The following GREB1 variants were observed in gnomAD, a reference collection of about 807,000 sequenced individuals.
GREB1 encodes the protein growth regulating estrogen receptor binding 1, also known as protein GREB1.
A neutral mutation model predicts 200.7 loss-of-function variants in GREB1; 106 were observed. The observed-to-expected ratio is 0.53, with a 90% CI of 0.45 to 0.62. The LOEUF (loss-of-function observed/expected upper bound fraction) is 0.62, where lower values mean the gene tolerates loss of function less well. GREB1 is among the 20% of genes least tolerant of loss of function. The pLI is 0.00. For missense variants in GREB1, 2,243 were observed against 2,556.8 expected, an observed-to-expected ratio of 0.88 and a Z score of 2.65; for synonymous variants, 1,132 against 1,092.4, an observed-to-expected ratio of 1.04 and a Z score of -0.72.
chr2:11,635,413 C>G lies in GREB1; in HGVS notation c.5346+8C>G, dbSNP rs1330096758. 8.1e-6 allele frequency: 13 copies of G among 1,600,426 alleles called. No homozygotes were observed. Among genetic ancestry groups the G allele is most frequent in the Non-Finnish European group, 9.4e-6 (11 of 1,173,168 alleles). ...TTCCACATCACATCCAAGGTGAGCT[C>G]CTCGCTGCTGGGCAGGCCTCTATGT... On this transcript the variant is annotated splice_region_variant and intron_variant, in intron 30 of 32. Coordinates refer to ENST00000381486, the MANE Select transcript of GREB1 (RefSeq NM_014668.4).
chr2:11,509,385 A>AT (rs1673286886), intron 1 of GREB1, among the ~76,000 whole-genome samples: 1 of 152,040 alleles, frequency 6.6e-6, no homozygotes, highest in Non-Finnish European at 1.5e-5. Flanking sequence ...CTCTGCACAC[A>AT]TTTTTTCTTT....
intron 7 of GREB1, 101 bp from the exon 8 acceptor site, chr2:11,585,060 A>AAAAC: frequency 1.7e-6 from 1 of 586,692 alleles, no homozygotes; most frequent in East Asian, 3.4e-5. Flanking sequence ...TTAGAAAAAA[A>AAAAC]AAAACAAAAC....
intron 1 of GREB1, among the ~76,000 whole-genome samples, chr2:11,546,280 T>G (rs1478245768): frequency 2.6e-5 from 4 of 152,230 alleles, no homozygotes; most frequent in African/African-American, 9.7e-5. Flanking sequence ...ATAATACTTT[T>G]GTCATTGAGC....
chr2:11,611,634 C>G (rs1222708467), intron 18 of GREB1, among the ~76,000 whole-genome samples: 1 of 152,170 alleles, frequency 6.6e-6, no homozygotes, highest in Non-Finnish European at 1.5e-5. Flanking sequence ...TGTCTTTCCT[C>G]TTTCAGGAAG....
At position 11,576,468 on chromosome 2, in the gene GREB1, G is replaced by A; in HGVS notation, c.570G>A (p.Lys190=). ...AACCCAAGAAGCAGAAACACTTGAA[G>A]TATTACCTGGTCCGTAATGCACAAG... ...TTQPKKQKHL[K]YYLVRNAQGT... is the part of the protein sequence containing the mutation. Residue 190 remains lysine, a synonymous_variant, in exon 5 of 33, where the codon AAG becomes AAA. Coordinates refer to ENST00000381486, the MANE Select transcript of GREB1 (RefSeq NM_014668.4). 1.2e-6 allele frequency: 2 copies of A among 1,614,030 alleles called. No individual in the cohort carries two copies. Among genetic ancestry groups the A allele is most frequent in the Non-Finnish European group, 1.7e-6 (2 of 1,179,884 alleles).
chr2:11,632,732 C>G (rs971572963), intron 27 of GREB1, among the ~76,000 whole-genome samples, 157 bp from the exon 28 acceptor site: 1 of 152,212 alleles, frequency 6.6e-6, no homozygotes, highest in Admixed American at 6.5e-5. Flanking sequence ...AGTTTTCTCT[C>G]CCTAGCCCAT....
At chr2:11,601,214 G>A (rs556460638) in intron 16 of GREB1, among the ~76,000 whole-genome samples, 2 of 152,318 alleles carry the variant, frequency 1.3e-5, no homozygotes, top group Admixed American at 1.3e-4. Flanking sequence ...AAGATGTAAT[G>A]CAGTTTGTGG....
intron 2 of GREB1, among the ~76,000 whole-genome samples, chr2:11,557,943 A>C (rs1320802135): frequency 6.6e-6 from 1 of 152,206 alleles, no homozygotes; most frequent in Non-Finnish European, 1.5e-5. Context: ...GGCCAGTTGA[A>C]AGACTTTGGT....
chr2:11,509,617 C>T (rs1303901503), intron 1 of GREB1, among the ~76,000 whole-genome samples: 2 of 152,068 alleles, frequency 1.3e-5, no homozygotes, highest in Non-Finnish European at 2.9e-5. Context: ...GAGCCTAATC[C>T]CCAATGTGAT....
chr2:11,595,489 C>T, intron 12 of GREB1, 110 bp downstream of exon 12: 1 of 1,116,048 alleles, frequency 9.0e-7, no homozygotes, highest in Admixed American at 2.0e-5. Context: ...AGGCTGGCCT[C>T]CACTGCAGAG....
At chr2:11,536,363 G>A (rs940665568) in intron 1 of GREB1, among the ~76,000 whole-genome samples, 1 of 152,186 alleles carries the variant, frequency 6.6e-6, no homozygotes, top group African/African-American at 2.4e-5. Context: ...CTTCTCTAGT[G>A]ATCTGGAAAC....
At chr2:11,582,213 C>T (rs1679564298) in intron 7 of GREB1, among the ~76,000 whole-genome samples, 1 of 152,216 alleles carries the variant, frequency 6.6e-6, no homozygotes, top group Non-Finnish European at 1.5e-5. Context: ...GGGCCTCCTT[C>T]AGCCCGGGAA....
intron 17 of GREB1, among the ~76,000 whole-genome samples, chr2:11,607,591 T>TAC (rs1454494296): frequency 1.2e-3 from 4 of 3,262 alleles, no homozygotes; most frequent in Admixed American, 5.8e-3. Context: ...TATACATATA[T>TAC]ACATATATAT....
At chr2:11,567,852 T>G (rs1197862503) in intron 4 of GREB1, among the ~76,000 whole-genome samples, 1 of 152,214 alleles carries the variant, frequency 6.6e-6, no homozygotes, top group Non-Finnish European at 1.5e-5. Flanking sequence ...GTTCCTGCCC[T>G]GCATCTGCCC....
chr2:11,566,854 T>G (rs1033246351), intron 4 of GREB1, among the ~76,000 whole-genome samples, 198 bp downstream of exon 4: 1 of 152,210 alleles, frequency 6.6e-6, no homozygotes, highest in African/African-American at 2.4e-5. Context: ...ACAGTATGAC[T>G]GCATCCCTGC....
intron 1 of GREB1, among the ~76,000 whole-genome samples, chr2:11,508,607 G>A (rs922979486): frequency 6.6e-6 from 1 of 152,044 alleles, no homozygotes; most frequent in Non-Finnish European, 1.5e-5. Flanking sequence ...AGAACAAACA[G>A]TCATTTTCCA....
chr2:11,509,637 A>C (rs77110939), intron 1 of GREB1, among the ~76,000 whole-genome samples: 427 of 152,300 alleles, frequency 2.8e-3, no homozygotes, highest in African/African-American at 0.01. Flanking sequence ...TAGTATTCAG[A>C]GGTGGGCCTT....
At chr2:11,496,598 T>C (rs1672897128) in intron 1 of GREB1, among the ~76,000 whole-genome samples, 1 of 149,798 alleles carries the variant, frequency 6.7e-6, no homozygotes, top group Admixed American at 6.7e-5. Context: ...CACAGCGTTA[T>C]GGCAAGCTGC....
upstream of GREB1, among the ~76,000 whole-genome samples, chr2:11,531,377 C>T (rs16857583): frequency 0.024 from 3,599 of 152,130 alleles, 178 homozygotes; most frequent in African/African-American, 0.082. Context: ...ATCTGTTCCA[C>T]GTTGTGCAGC....
Sources: allele counts gnomAD v4.1 joint callset (sites outside exome capture counted in the v4.1 genomes callset), GRCh38; gene constraint gnomAD v4.1.1; transcripts MANE v1.5; gene names NCBI Gene and HGNC (gene_info 2026-07-23, HGNC 2026-07-21).